The following CNP variants were observed in gnomAD, a reference collection of about 807,000 sequenced individuals.
The protein encoded by CNP is 2',3'-cyclic nucleotide 3' phosphodiesterase, also known as 2',3'-cyclic-nucleotide 3'-phosphodiesterase.
A neutral mutation model predicts 37.9 loss-of-function variants in CNP; 8 were observed. The ratio of observed to expected loss-of-function variants is 0.21; its 90% CI spans 0.12 to 0.38. The LOEUF (loss-of-function observed/expected upper bound fraction) is 0.38, where lower values mean the gene tolerates loss of function less well. Ranked by LOEUF, CNP falls within the 10% of genes least tolerant of loss-of-function variation. The probability of loss-of-function intolerance (pLI) is 1.00; values close to 1 mark genes in which losing one functional copy is unlikely to be tolerated. For missense variants in CNP, 457 were observed against 551.0 expected, an observed-to-expected ratio of 0.83 and a Z score of 1.71; for synonymous variants, 237 against 238.3, an observed-to-expected ratio of 0.99 and a Z score of 0.05.
In CNP at chr17:41,973,536, C is replaced by T. The variant is rs2051023035; in HGVS notation, c.878C>T (p.Pro293Leu). The T allele has an allele frequency of 1.2e-6, 2 of 1,614,104 alleles. No homozygotes were observed. The highest frequency in any genetic ancestry group is 1.7e-6 in the Non-Finnish European group (2 of 1,180,054). ...TLTISALFVTPKTTGARVELS... is the reference protein window; with the variant it reads ...TLTISALFVTLKTTGARVELS... ...ACCATCTCTGCCCTCTTTGTGACAC[C>T]CAAGACGACTGGGGCCCGGGTGGAG... The change falls in exon 4 of 4, where the codon CCC becomes CTC. Residue 293 changes from proline to leucine, a missense_variant. Around this residue, in one of 2 missense-constraint regions of CNP, gnomAD observed 291 missense variants for 291.7 expected, o/e 1.00. Coordinates refer to ENST00000393892, the MANE Select transcript of CNP (RefSeq NM_033133.5).
Position 41,976,692 on chromosome 17 carries a change from A to G in CNP, c.*2768A>G. The stretch of plus-strand genomic sequence containing the variant: ...TGTTTCCACATTCAAGATTAAACTG[A>G]GTGAATCTGCATTTTCTGGGTTCTG... On this transcript the variant is annotated 3_prime_UTR_variant, in exon 4 of 4. Transcript: ENST00000393892. The G allele has an allele frequency of 6.2e-7, 1 of 1,604,712 alleles. No homozygotes were observed.
At position 41,973,785 on chromosome 17, in the gene CNP, G is replaced by A. The variant is rs781913833; in HGVS notation, c.1127G>A (p.Gly376Asp). ...ELSRGKLYSL[G>D]NGRWMLTLAK... The stretch of plus-strand genomic sequence containing the variant: ...AGCCGGGGCAAGCTCTATTCCTTGG[G>A]CAATGGGCGCTGGATGCTGACCCTG... The change falls in exon 4 of 4, where the codon GGC becomes GAC. Residue 376 changes from glycine to aspartate, a missense_variant. Around this residue, in one of 2 missense-constraint regions of CNP, gnomAD observed 291 missense variants for 291.7 expected, o/e 1.00. Transcript: ENST00000393892. 4 of 1,612,778 alleles carry A rather than the reference G, an allele frequency of 2.5e-6. No individual in the cohort carries two copies. The highest frequency in any genetic ancestry group is 2.5e-6 in the Non-Finnish European group (3 of 1,179,430).
intron 2 of CNP, chr17:41,970,886 A>G (rs2050976932): frequency 6.6e-6 from 1 of 152,176 alleles, no homozygotes; most frequent in East Asian, 1.9e-4. Context: ...AATCAAAATC[A>G]CAGATACTCC....
rs377704890 is a variant in CNP, at chr17:41,968,478, C to A, written c.414C>A (p.Ala138=). The part of the protein sequence containing the change: ...RERLEQLFEM[A]DQYQYQVVLV... Reference sequence around the variant, plus strand: ...GGCTGGAGCAGCTCTTTGAAATGGCCGACCAGTACCAGTACCAGGTGGTGC... The same window carrying A: ...GGCTGGAGCAGCTCTTTGAAATGGCAGACCAGTACCAGTACCAGGTGGTGC... The change falls in exon 2 of 4, where the codon GCC becomes GCA. Residue 138 remains alanine, a synonymous_variant. Transcript: ENST00000393892. This position sits in a 1 kb window ranked among gnomAD's most constrained non-coding sequence, Gnocchi z 4.8. The A allele has an allele frequency of 6.2e-7, 1 of 1,613,990 alleles. No homozygotes were observed. The highest frequency in any genetic ancestry group is 1.3e-5 in the African/African-American group (1 of 74,882).
rs1433656552 is a variant in CNP at position 41,977,382 on chromosome 17, G to A, written c.*3458G>A. 46 of 1,429,390 alleles carry A rather than the reference G, an allele frequency of 3.2e-5. No homozygotes were observed. The highest frequency in any genetic ancestry group is 4.3e-5 in the Non-Finnish European group (45 of 1,036,200). 88.5% of individuals were successfully genotyped at this position (1,429,390 alleles called of 1,614,324 possible). A position where few individuals can be genotyped will look rare whatever the true frequency, so the allele number is the denominator to read the frequency against. ...AAAAGGTGAAAAATTAGAAATGTTC[G>A]AAGAGAACTGATGACACTGAGAACA... On this transcript the variant is annotated 3_prime_UTR_variant, in exon 4 of 4. Coordinates refer to ENST00000393892, the MANE Select transcript of CNP (RefSeq NM_033133.5).
Position 41,974,204 on chromosome 17 carries a change from C to A in CNP, c.*280C>A, listed in dbSNP as rs1049370045. ...GGCCAAGCCAGGGATGGGGCCACAG[C>A]CAGAACCCCGAGCCCTACTTCCAGG... On this transcript the variant is annotated 3_prime_UTR_variant, in exon 4 of 4. Coordinates refer to ENST00000393892, the MANE Select transcript of CNP (RefSeq NM_033133.5). The A allele has an allele frequency of 1.1e-5, 3 of 262,890 alleles. No homozygotes were observed. The Admixed American group carries it at 1.5e-4, about 13-fold the overall frequency. The allele number at this position is 262,890 out of a possible 1,614,324, so 16.3% of individuals were successfully genotyped here.
rs1449040378 is a variant in CNP, at chr17:41,971,929, G to A, written c.714G>A (p.Leu238=). 1 of 1,613,596 alleles carries A rather than the reference G, an allele frequency of 6.2e-7. No individual in the cohort carries two copies. Among genetic ancestry groups the A allele is most frequent in the East Asian group, 2.2e-5 (1 of 44,860 alleles). ...ATGAGCCCAGGGAGAAGATGGACTT[G>A]GTCACCTACTTTGGAAAGAGACCCC... The part of the protein sequence containing the change: ...PGDEPREKMD[L]VTYFGKRPPG... Residue 238 remains leucine (L), a synonymous_variant, in exon 3 of 4, where the codon TTG becomes TTA. Coordinates refer to ENST00000393892, the MANE Select transcript of CNP (RefSeq NM_033133.5).
chr17:41,966,919 A>G, intron 1 of CNP, 32 bp downstream of exon 1: 1 of 1,316,480 alleles, frequency 7.6e-7, no homozygotes, highest in Non-Finnish European at 9.7e-7. Flanking sequence ...GGCACGGGGT[A>G]GCACCAGGGC....
In CNP at chr17:41,966,948, C is replaced by T. The variant is rs2050905746; in HGVS notation, c.3+61C>T. The T allele has an allele frequency of 2.4e-6, 3 of 1,273,576 alleles. No homozygotes were observed. In the African/African-American group the frequency reaches 4.6e-5, roughly 20 times the overall value. 78.9% of individuals were successfully genotyped at this position (1,273,576 alleles called of 1,614,324 possible). On this transcript the variant is annotated intron_variant, in intron 1 of 3. Transcript: ENST00000393892. ...CCAGGGCGGGAAACGAGTGTCGGGGCCCCTCGGGAGGAAGCGTCTTGCAAA... is the reference window on the plus strand; with the variant it reads ...CCAGGGCGGGAAACGAGTGTCGGGGTCCCTCGGGAGGAAGCGTCTTGCAAA...
Position 41,977,598 on chromosome 17 carries a change from T to A in CNP, c.*3674T>A. 3.1e-6 allele frequency: 1 copy of A among 324,096 alleles called. No homozygotes were observed. The highest frequency in any genetic ancestry group is 5.7e-6 in the Non-Finnish European group (1 of 174,970). 20.1% of individuals were successfully genotyped at this position (324,096 alleles called of 1,614,324 possible). A position where few individuals can be genotyped will look rare whatever the true frequency, so the allele number is the denominator to read the frequency against. Reference sequence around the variant, plus strand: ...CTTCAGCTTGCTTCATTGGGCTGTTTTCTCAACAAATGGAATGCCATTTGC... The same window carrying A: ...CTTCAGCTTGCTTCATTGGGCTGTTATCTCAACAAATGGAATGCCATTTGC... On this transcript the variant is annotated 3_prime_UTR_variant, in exon 4 of 4. Coordinates refer to ENST00000393892, the MANE Select transcript of CNP (RefSeq NM_033133.5).
chr17:41,970,644 T>C (rs1368804334), intron 2 of CNP: 1 of 152,142 alleles, frequency 6.6e-6, no homozygotes, highest in African/African-American at 2.4e-5. Flanking sequence ...ATTTCCCAAA[T>C]TGCCGGGATT....
rs2051103184 is a variant in CNP at position 41,977,058 on chromosome 17, T to G, written c.*3134T>G. On this transcript the variant is annotated 3_prime_UTR_variant, in exon 4 of 4. Transcript: ENST00000393892. ...CCTCCCTGACCCTGCAGAGATGCGGTGGCTAAAGGTCCCAAGGCAAGGGGT... is the reference window on the plus strand; with the variant it reads ...CCTCCCTGACCCTGCAGAGATGCGGGGGCTAAAGGTCCCAAGGCAAGGGGT... 1 of 656,744 alleles carries G rather than the reference T, an allele frequency of 1.5e-6. No individual in the cohort carries two copies. 40.7% of individuals were successfully genotyped at this position (656,744 alleles called of 1,614,324 possible).
At position 41,976,582 on chromosome 17, in the gene CNP, C is replaced by T; in HGVS notation, c.*2658C>T. The T allele has an allele frequency of 1.0e-6, 1 of 986,442 alleles. No homozygotes were observed. The highest frequency in any genetic ancestry group is 1.7e-5 in the South Asian group (1 of 59,970). The allele number at this position is 986,442 out of a possible 1,614,324, so 61.1% of individuals were successfully genotyped here. ...TCGGCATTGGTTCCCTTTGCTCCAC[C>T]CCACTCACAGAGACACAGGGCATCC... On this transcript the variant is annotated 3_prime_UTR_variant, in exon 4 of 4. Transcript: ENST00000393892.
At chr17:41,971,423 G>A (rs2050987419) in intron 2 of CNP, 1 of 150,018 alleles carries the variant, frequency 6.7e-6, no homozygotes, top group African/African-American at 2.5e-5. Flanking sequence ...TTTGGAGACG[G>A]AGTCTTGCTC....
At chr17:41,967,207 G>A (rs1598099404) in intron 1 of CNP, 1 of 280,974 alleles carries the variant, frequency 3.6e-6, no homozygotes. Flanking sequence ...GCCCGCGCTG[G>A]GGCAGCCGCT....
rs1555644157 is a variant in CNP, at chr17:41,973,512, C to T, written c.854C>T (p.Thr285Ile). ...TCTTACTCCAAGGCCTTCACGCTGA[C>T]CATCTCTGCCCTCTTTGTGACACCC... ...KKSYSKAFTL[T>I]ISALFVTPKT... The change falls in exon 4 of 4, where the codon ACC (threonine) becomes ATC (isoleucine). Residue 285 changes from threonine (T) to isoleucine (I), a missense_variant. This residue lies in a region of CNP where 291 missense variants were observed against 291.7 expected (regional missense o/e 1.00). Coordinates refer to ENST00000393892, the MANE Select transcript of CNP (RefSeq NM_033133.5). 2 of 1,614,252 alleles carry T rather than the reference C, an allele frequency of 1.2e-6. No individual in the cohort carries two copies. The highest frequency in any genetic ancestry group is 4.5e-5 in the East Asian group (2 of 44,888).
Position 41,973,922 on chromosome 17 carries a change from T to A in CNP, c.1264T>A (p.Ter422ArgextTer26). Residue 422 changes from the stop codon to arginine (R), a stop_lost, in exon 4 of 4, where the codon TGA becomes AGA. Transcript: ENST00000393892. The stretch of plus-strand genomic sequence containing the variant: ...CGCCTTGCAGTCCTGCACCATCATA[T>A]GAGTGTTCTCACCACCACTTATGCC... ...GGALQSCTII[*>R] 6.6e-7 allele frequency: 1 copy of A among 1,518,580 alleles called. No individual in the cohort carries two copies. Among genetic ancestry groups the A allele is most frequent in the Non-Finnish European group, 8.8e-7 (1 of 1,134,020 alleles). 94.1% of individuals were successfully genotyped at this position (1,518,580 alleles called of 1,614,324 possible).
Position 41,968,139 on chromosome 17 carries a change from G to A in CNP, c.75G>A (p.Gly25=). The A allele has an allele frequency of 6.2e-7, 1 of 1,614,206 alleles. No homozygotes were observed. Among genetic ancestry groups the A allele is most frequent in the Admixed American group, 1.7e-5 (1 of 60,036 alleles). The change falls in exon 2 of 4, where the codon GGG becomes GGA. Residue 25 remains glycine, a synonymous_variant. Coordinates refer to ENST00000393892, the MANE Select transcript of CNP (RefSeq NM_033133.5). The surrounding 1 kb of genome is among the most constrained non-coding windows in gnomAD (Gnocchi z 4.8). The part of the protein sequence containing the change: ...KIFFRKMSSS[G]AKDKPELQFP... ...TCTTCCGCAAGATGTCATCCTCAGG[G>A]GCCAAGGACAAGCCTGAGCTGCAGT...
chr17:41,971,772 G>C lies in CNP; in HGVS notation c.677-120G>C, dbSNP rs1249834364. On this transcript the variant is annotated intron_variant, in intron 2 of 3. Transcript: ENST00000393892. Reference sequence around the variant, plus strand: ...CTAACCAATGAATGAGCTGTAGTGGGTTGCTGGAGAGGTGATGCTTAGTGT... The same window carrying C: ...CTAACCAATGAATGAGCTGTAGTGGCTTGCTGGAGAGGTGATGCTTAGTGT... The C allele has an allele frequency of 3.0e-6, 4 of 1,325,300 alleles. No homozygotes were observed. In the African/African-American group the frequency reaches 5.9e-5, roughly 20 times the overall value. 82.1% of individuals were successfully genotyped at this position (1,325,300 alleles called of 1,614,324 possible).
Sources: gnomAD v4.1 joint callset for allele counts on GRCh38, gnomAD v4.1.1 for gene constraint, gnomAD v4.1.1 regional missense constraint, Gnocchi (gnomAD v3.1) non-coding constraint, MANE v1.5 for transcripts, NCBI Gene and HGNC (gene_info 2026-07-23, HGNC 2026-07-21) for gene names.